Variants in GPC5 observed in about 807,000 individuals in gnomAD.
GPC5 encodes the protein glypican-5.
In GPC5, 47 loss-of-function variants were observed where a neutral mutation model predicts 53.9. The ratio of observed to expected loss-of-function variants is 0.87; its 90% confidence interval spans 0.69 to 1.11. The LOEUF (loss-of-function observed/expected upper bound fraction) is 1.11, where lower values mean the gene tolerates loss of function less well. Among genes scored for constraint, GPC5 ranks in the 50% most tolerant of loss-of-function variants. The probability of loss-of-function intolerance (pLI) is 0.00; values close to 1 mark genes in which losing one functional copy is unlikely to be tolerated. For missense variants in GPC5, 748 were observed against 713.1 expected (o/e 1.05, Z -0.56); for synonymous variants, 286 against 263.3 (o/e 1.09, Z -0.84).
chr13:91,506,778 A>G (rs1884968088), intron 2 of GPC5, among the ~76,000 whole-genome samples: 1 of 152,194 alleles, frequency 6.6e-6, no homozygotes, highest in Non-Finnish European at 1.5e-5. Context: ...TGAATTATTT[A>G]TGGATGACTT....
chr13:91,858,999 T>C (rs2038996756), intron 5 of GPC5, among the ~76,000 whole-genome samples: 1 of 150,372 alleles, frequency 6.7e-6, no homozygotes, highest in African/African-American at 2.4e-5. Flanking sequence ...AACTATAATG[T>C]CACCTTTTTC....
chr13:92,834,102 C>T (rs753238890), intron 7 of GPC5, among the ~76,000 whole-genome samples: 1 of 152,008 alleles, frequency 6.6e-6, no homozygotes, highest in Admixed American at 6.5e-5. Context: ...ATTCAAGAGA[C>T]AGAAAACAAA....
chr13:91,529,932 G>C (rs1886261006), intron 2 of GPC5, among the ~76,000 whole-genome samples: 1 of 152,046 alleles, frequency 6.6e-6, no homozygotes, highest in Non-Finnish European at 1.5e-5. Flanking sequence ...TTCAGAACTT[G>C]AAAGTTGTCT....
At chr13:92,243,236 G>T (rs1251173202) in intron 7 of GPC5, among the ~76,000 whole-genome samples, 1 of 152,100 alleles carries the variant, frequency 6.6e-6, no homozygotes, top group Non-Finnish European at 1.5e-5. Flanking sequence ...TGCCAATGTT[G>T]CATTTTGAAC....
chr13:91,801,314 G>A lies in GPC5; in HGVS notation c.1280+44894G>A, dbSNP rs536865245. 1.3e-4 allele frequency among the ~76,000 whole-genome samples: 19 copies of A among 147,354 alleles called. 1 individual carries two copies. In the South Asian group the frequency reaches 4.3e-3, roughly 33 times the overall value. Reference sequence around the variant, plus strand: ...GTGTGTTTTCTTCAGAAATCAGAATGTTTGGTCTGTTTAATTTTGTTTTTT... The same window carrying A: ...GTGTGTTTTCTTCAGAAATCAGAATATTTGGTCTGTTTAATTTTGTTTTTT... On this transcript the variant is annotated intron_variant, in intron 5 of 7. Coordinates refer to ENST00000377067, the MANE Select transcript of GPC5 (RefSeq NM_004466.6).
chr13:91,640,160 A>T (rs1401211483), intron 2 of GPC5, among the ~76,000 whole-genome samples: 1 of 152,166 alleles, frequency 6.6e-6, no homozygotes, highest in Non-Finnish European at 1.5e-5. Flanking sequence ...ATACAGAGAG[A>T]TTCCGCATAG....
intron 5 of GPC5, among the ~76,000 whole-genome samples, chr13:91,800,071 TTAAA>T (rs1487244223): frequency 6.6e-6 from 1 of 152,044 alleles, no homozygotes; most frequent in Non-Finnish European, 1.5e-5. Flanking sequence ...ACTTAATTTA[TTAAA>T]TAACAAAATC....
At chr13:91,967,768 T>A (rs1388955969) in intron 6 of GPC5, among the ~76,000 whole-genome samples, 2 of 152,124 alleles carry the variant, frequency 1.3e-5, no homozygotes, top group African/African-American at 4.8e-5. Flanking sequence ...GGATGCTTTT[T>A]AAAAGTTTCT....
chr13:92,101,027 G>T (rs1015854452), intron 6 of GPC5, among the ~76,000 whole-genome samples: 1 of 152,136 alleles, frequency 6.6e-6, no homozygotes, highest in African/African-American at 2.4e-5. Context: ...ATGGGTGGTT[G>T]TTTGGCAACT....
At chr13:92,075,143 A>T (rs113462308) in intron 6 of GPC5, among the ~76,000 whole-genome samples, 2,035 of 152,264 alleles carry the variant, frequency 0.013, 38 homozygotes, top group African/African-American at 0.047. Flanking sequence ...CACTTAACAC[A>T]TTCTGCTGAG....
Position 92,854,844 on chromosome 13 carries a change from T to C in GPC5, c.1562-11438T>C, listed in dbSNP as rs767138106. On this transcript the variant is annotated intron_variant, in intron 7 of 7. Transcript: ENST00000377067. ...TTTTTTCTATTCTGCAGGTTTTCTA[T>C]TCACTCTATTATTTGTTTTGCTGTA... Among the ~76,000 whole-genome samples the C allele has an allele frequency of 7.9e-4, 120 of 152,028 alleles. 3 individuals are homozygous for C. The highest frequency in any genetic ancestry group is 1.1e-3 in the Admixed American group (17 of 15,242).
chr13:91,464,761 G>A (rs2139156051), intron 2 of GPC5, among the ~76,000 whole-genome samples: 1 of 152,146 alleles, frequency 6.6e-6, no homozygotes, highest in South Asian at 2.1e-4. Flanking sequence ...TGTCTTGATA[G>A]TGGTGATGGT....
intron 7 of GPC5, among the ~76,000 whole-genome samples, chr13:92,461,678 C>A (rs1255339563): frequency 1.3e-5 from 2 of 152,168 alleles, no homozygotes; most frequent in Admixed American, 6.5e-5. Context: ...AGAAGAGACA[C>A]TAGAGAGCTT....
At chr13:92,427,676 G>A (rs898039312) in intron 7 of GPC5, among the ~76,000 whole-genome samples, 3 of 151,966 alleles carry the variant, frequency 2.0e-5, no homozygotes, top group East Asian at 1.9e-4. Flanking sequence ...TTATTTTTCC[G>A]ATGATTCCAT....
At chr13:91,835,035 TAAAC>T (rs2038707427) in intron 5 of GPC5, among the ~76,000 whole-genome samples, 1 of 152,130 alleles carries the variant, frequency 6.6e-6, no homozygotes, top group African/African-American at 2.4e-5. Context: ...ACAAAGAACT[TAAAC>T]AAATTTACAA....
intron 2 of GPC5, among the ~76,000 whole-genome samples, chr13:91,555,232 C>T (rs16946171): frequency 0.25 from 38,456 of 151,810 alleles, 5,471 homozygotes; most frequent in African/African-American, 0.39. Context: ...CGGCCTGGCC[C>T]GTGGAAAGAG....
intron 2 of GPC5, among the ~76,000 whole-genome samples, chr13:91,689,224 TATATATACAC>T (rs2035698293): frequency 8.3e-5 from 9 of 108,814 alleles, no homozygotes; most frequent in Admixed American, 1.9e-4. Context: ...TATATATATA[TATATATACAC>T]ATATAAAATT....
chr13:91,631,019 A>G (rs1010129991), intron 2 of GPC5, among the ~76,000 whole-genome samples: 1 of 151,968 alleles, frequency 6.6e-6, no homozygotes, highest in African/African-American at 2.4e-5. Flanking sequence ...TGTCTAACTC[A>G]TTTAGTTCTG....
chr13:92,335,653 T>C (rs747079719), intron 7 of GPC5, among the ~76,000 whole-genome samples: 1 of 152,132 alleles, frequency 6.6e-6, no homozygotes, highest in Non-Finnish European at 1.5e-5. Flanking sequence ...TGCTTAGAAA[T>C]TTCATCTGTC....
Sources: allele counts gnomAD v4.1 joint callset (sites outside exome capture counted in the v4.1 genomes callset), GRCh38; gene constraint gnomAD v4.1.1; transcripts MANE v1.5; gene names NCBI Gene and HGNC (gene_info 2026-07-23, HGNC 2026-07-21).